Variants in DIP2C observed in about 807,000 individuals in gnomAD.
DIP2C encodes the protein DIP2 acetate--CoA ligase C (putative).
A neutral mutation model predicts 192.4 loss-of-function variants in DIP2C; 33 were observed. The observed-to-expected ratio is 0.17, with a 90% CI of 0.13 to 0.23. The LOEUF is 0.23. DIP2C is among the 10% of genes least tolerant of loss of function. DIP2C has a pLI of 1.00. For missense variants in DIP2C, 1,537 were observed against 2,110.1 expected (o/e 0.73, Z 5.32); for synonymous variants, 979 against 864.1 (o/e 1.13, Z -2.33).
At chr10:302,151 A>G (rs1467693615) in intron 32 of DIP2C, among the ~76,000 whole-genome samples, 4 of 152,206 alleles carry the variant, frequency 2.6e-5, no homozygotes, top group Non-Finnish European at 5.9e-5. Flanking sequence ...ACATAATTGT[A>G]TATCCATGTA....
chr10:566,702 GACA>G (rs1471481141), intron 1 of DIP2C, among the ~76,000 whole-genome samples: 3 of 152,366 alleles, frequency 2.0e-5, no homozygotes, highest in Non-Finnish European at 4.4e-5. Flanking sequence ...TGTTCTCAAA[GACA>G]ACAACGGTGC....
intron 31 of DIP2C, among the ~76,000 whole-genome samples, chr10:320,193 A>C (rs1056328333): frequency 1.3e-5 from 2 of 152,212 alleles, no homozygotes; most frequent in South Asian, 4.1e-4. Context: ...ACTCTAGTCA[A>C]GTAAGGATAT....
At chr10:656,599 T>C (rs1190740968) in intron 1 of DIP2C, among the ~76,000 whole-genome samples, 1 of 152,234 alleles carries the variant, frequency 6.6e-6, no homozygotes, top group Non-Finnish European at 1.5e-5. Context: ...TCAATACGGC[T>C]TCTTTGGGCT....
chr10:671,060 G>A (rs1830608960), intron 1 of DIP2C, among the ~76,000 whole-genome samples: 1 of 152,246 alleles, frequency 6.6e-6, no homozygotes, highest in African/African-American at 2.4e-5. Context: ...AGGAAGAGCT[G>A]GGTGGGCACC....
intron 24 of DIP2C, among the ~76,000 whole-genome samples, chr10:355,901 AC>A (rs1959058495): frequency 1.3e-5 from 2 of 152,148 alleles, no homozygotes; most frequent in Non-Finnish European, 2.9e-5. Flanking sequence ...ACATGGTGAA[AC>A]CCCATCTCTA....
In DIP2C at chr10:326,998, A is replaced by T. The variant is rs761214833; in HGVS notation, c.3924+8T>A. ...CCCACTCAGCACTGTGATGTCGCCG[A>T]ATCTCACCTGCAAGCAAATCGCCAG... is the stretch of plus-strand genomic sequence containing the variant. On this transcript the variant is annotated splice_region_variant and intron_variant, in intron 31 of 36. Coordinates refer to ENST00000280886, the MANE Select transcript of DIP2C (RefSeq NM_014974.3). 1 of 1,609,714 alleles carries T rather than the reference A, an allele frequency of 6.2e-7. No homozygotes were observed. Among genetic ancestry groups the T allele is most frequent in the South Asian group, 1.1e-5 (1 of 90,166 alleles).
intron 24 of DIP2C, among the ~76,000 whole-genome samples, chr10:355,557 T>C (rs1368706708): frequency 1.3e-5 from 2 of 152,264 alleles, no homozygotes; most frequent in Admixed American, 1.3e-4. Flanking sequence ...TCAAGCTTTA[T>C]TTCCATGGTA....
At chr10:553,432 G>A (rs1365919207) in intron 1 of DIP2C, among the ~76,000 whole-genome samples, 1 of 152,200 alleles carries the variant, frequency 6.6e-6, no homozygotes, top group Admixed American at 6.5e-5. Context: ...GCCATTTGCT[G>A]CACTCCCACA....
chr10:406,200 G>A (rs1313781688), intron 9 of DIP2C, among the ~76,000 whole-genome samples: 2 of 152,190 alleles, frequency 1.3e-5, no homozygotes, highest in African/African-American at 4.8e-5. Context: ...TACAGATAAA[G>A]GAGCTATTCC....
intron 1 of DIP2C, among the ~76,000 whole-genome samples, chr10:531,894 C>A (rs1324024429): frequency 6.6e-6 from 1 of 152,218 alleles, no homozygotes; most frequent in Non-Finnish European, 1.5e-5. Context: ...AGCACAACTA[C>A]CATATTCTGT....
At chr10:504,370 C>T (rs1248243315) in intron 1 of DIP2C, among the ~76,000 whole-genome samples, 1 of 152,118 alleles carries the variant, frequency 6.6e-6, no homozygotes, top group African/African-American at 2.4e-5. Flanking sequence ...CCGCTGATAC[C>T]CTGCTACCAT....
chr10:531,208 TC>T (rs1847350704), intron 1 of DIP2C, among the ~76,000 whole-genome samples: 1 of 152,106 alleles, frequency 6.6e-6, no homozygotes, highest in African/African-American at 2.4e-5. Flanking sequence ...GCTGTGACTT[TC>T]CCCGTAAACA....
intron 1 of DIP2C, chr10:650,128 G>T (rs1564304281): frequency 1.4e-6 from 1 of 717,336 alleles, no homozygotes; most frequent in Non-Finnish European, 2.6e-6. Flanking sequence ...CCTCCCGTTG[G>T]GACAAGGACC....
At chr10:401,282 G>GCATTAC (rs1225326971) in intron 9 of DIP2C, among the ~76,000 whole-genome samples, 1 of 151,066 alleles carries the variant, frequency 6.6e-6, no homozygotes, top group Non-Finnish European at 1.5e-5. Context: ...GGTAGCATTA[G>GCATTAC]CATTACTCTT....
At chr10:508,864 G>A (rs1845815313) in intron 1 of DIP2C, among the ~76,000 whole-genome samples, 3 of 152,172 alleles carry the variant, frequency 2.0e-5, no homozygotes, top group Non-Finnish European at 4.4e-5. Context: ...GGCATCACTC[G>A]AAAACACGGC....
At chr10:423,080 G>A in intron 4 of DIP2C, 47 bp from the exon 5 acceptor site, 8 of 1,515,654 alleles carry the variant, frequency 5.3e-6, no homozygotes, top group Non-Finnish European at 7.1e-6. Flanking sequence ...GCAAAAACGT[G>A]CACCACAATC....
At chr10:476,624 G>A (rs763121423) in intron 2 of DIP2C, among the ~76,000 whole-genome samples, 2 of 152,166 alleles carry the variant, frequency 1.3e-5, no homozygotes, top group Non-Finnish European at 2.9e-5. Context: ...TCCCGTGACT[G>A]CCTTTTCATT....
chr10:335,670 C>G (rs966010207), intron 29 of DIP2C, among the ~76,000 whole-genome samples: 2 of 152,248 alleles, frequency 1.3e-5, no homozygotes, highest in African/African-American at 4.8e-5. Flanking sequence ...AGGAGTATCG[C>G]GGATGCGGCT....
intron 1 of DIP2C, among the ~76,000 whole-genome samples, chr10:517,058 A>AG (rs2130800904): frequency 6.6e-6 from 1 of 151,914 alleles, no homozygotes; most frequent in East Asian, 1.9e-4. Flanking sequence ...ACAGAGGTTC[A>AG]GGTCTAGTGG....
Sources: gnomAD v4.1 joint callset for allele counts (sites outside exome capture counted in the v4.1 genomes callset) on GRCh38, gnomAD v4.1.1 for gene constraint, MANE v1.5 for transcripts, NCBI Gene and HGNC (gene_info 2026-07-23, HGNC 2026-07-21) for gene names.